Variants in CEP85L observed in about 807,000 individuals in gnomAD.
The protein encoded by CEP85L is centrosomal protein 85L.
In CEP85L, 60 loss-of-function variants were observed where a neutral mutation model predicts 100.3. That is an observed-to-expected ratio of 0.60 (90% CI 0.49 to 0.74). The LOEUF (loss-of-function observed/expected upper bound fraction) is 0.74, where lower values mean the gene tolerates loss of function less well. Ranked by LOEUF, CEP85L falls within the 30% of genes least tolerant of loss-of-function variation. The pLI, the probability that CEP85L is intolerant of heterozygous loss-of-function variation, is 0.00. For missense variants in CEP85L, 973 were observed against 936.2 expected, an observed-to-expected ratio of 1.04 and a Z score of -0.51; for synonymous variants, 319 against 322.7, an observed-to-expected ratio of 0.99 and a Z score of 0.12.
At chr6:118,520,400 T>G (rs1030098263) in intron 4 of CEP85L, among the ~76,000 whole-genome samples, 1 of 152,232 alleles carries the variant, frequency 6.6e-6, no homozygotes, top group Non-Finnish European at 1.5e-5. Context: ...AAGAACGTTT[T>G]GAAAATATGC....
chr6:118,474,019 TG>T (rs1209080668), intron 10 of CEP85L, among the ~76,000 whole-genome samples: 1 of 152,174 alleles, frequency 6.6e-6, no homozygotes, highest in East Asian at 1.9e-4. Flanking sequence ...GTTATCATCT[TG>T]TAACTTGATA....
intron 10 of CEP85L, among the ~76,000 whole-genome samples, chr6:118,476,215 G>A (rs1773360152): frequency 6.6e-6 from 1 of 150,854 alleles, no homozygotes; most frequent in Non-Finnish European, 1.5e-5. Context: ...ACTATAACAT[G>A]CATACAACAG....
At chr6:118,590,729 A>C (rs1364412167) in intron 2 of CEP85L, among the ~76,000 whole-genome samples, 1 of 152,046 alleles carries the variant, frequency 6.6e-6, no homozygotes, top group African/African-American at 2.4e-5. Context: ...TTGTGTATCC[A>C]TGCACCTACC....
intron 2 of CEP85L, among the ~76,000 whole-genome samples, chr6:118,598,992 G>A (rs879924157): frequency 6.6e-6 from 1 of 152,180 alleles, no homozygotes; most frequent in African/African-American, 2.4e-5. Context: ...AGGAACTCAT[G>A]TTTGGCTCAA....
Position 118,620,594 on chromosome 6 carries a change from C to T in CEP85L, c.232+11859G>A, listed in dbSNP as rs562220809. Among the ~76,000 whole-genome samples, 3 of 152,278 alleles carry T rather than the reference C, an allele frequency of 2.0e-5. No individual in the cohort carries two copies. The East Asian group carries it at 5.8e-4, about 29-fold the overall frequency. On this transcript the variant is annotated intron_variant, in intron 2 of 12. Coordinates refer to ENST00000368491, the MANE Select transcript of CEP85L (RefSeq NM_001042475.3). ...GATGAAGGCTCTCTGGGCCAGAAGC[C>T]CCCAGCCAGATGATTCAGCAAGAGG...
rs71012391 is a variant in CEP85L, at chr6:118,542,900, C to CAAAAAAAA, written c.1021-18988_1021-18981dup. ...GAACTTCAACATCACCAAGTTTTCCCAAAAAAAAAAAAAAAAAAAAAAACA... is the reference window on the plus strand; with the variant it reads ...GAACTTCAACATCACCAAGTTTTCCCAAAAAAAAAAAAAAAAAAAAAAAAAAAAAAACA... On this transcript the variant is annotated intron_variant, in intron 3 of 12. Coordinates refer to ENST00000368491, the MANE Select transcript of CEP85L (RefSeq NM_001042475.3). Among the ~76,000 whole-genome samples, 28 of 67,148 alleles carry CAAAAAAAA rather than the reference C, an allele frequency of 4.2e-4. 1 individual carries two copies. Among genetic ancestry groups the CAAAAAAAA allele is most frequent in the African/African-American group, 1.1e-3 (20 of 18,226 alleles). The allele number at this position is 67,148 out of a possible 152,430, so 44.1% of individuals were successfully genotyped here.
At chr6:118,571,601 C>T (rs558960531) in intron 2 of CEP85L, among the ~76,000 whole-genome samples, 23 of 152,162 alleles carry the variant, frequency 1.5e-4, no homozygotes, top group African/African-American at 5.5e-4. Flanking sequence ...CTCTCTCTCT[C>T]TCTGTCTGCT....
chr6:118,493,624 T>C (rs1258009626), intron 5 of CEP85L, among the ~76,000 whole-genome samples: 1 of 152,136 alleles, frequency 6.6e-6, no homozygotes, highest in Admixed American at 6.5e-5. Context: ...TGAAAGGATT[T>C]AGAGAAAATG....
chr6:118,688,750 A>G (rs6911599), intron 1 of CEP85L, among the ~76,000 whole-genome samples: 65,811 of 151,944 alleles, frequency 0.43, 16,744 homozygotes, highest in East Asian at 0.65. Context: ...GCCCACTCCT[A>G]TTTCAGCTGC....
At chr6:118,507,152 AACTC>A (rs1212204284) in intron 5 of CEP85L, among the ~76,000 whole-genome samples, 2 of 152,190 alleles carry the variant, frequency 1.3e-5, no homozygotes. Flanking sequence ...GTGTAAGTTT[AACTC>A]ACTATTTTTC....
Position 118,566,639 on chromosome 6 carries a change from G to A in CEP85L, c.233-323C>T, listed in dbSNP as rs796187247. Among the ~76,000 whole-genome samples, 4 of 152,026 alleles carry A rather than the reference G, an allele frequency of 2.6e-5. No homozygotes were observed. The East Asian group carries it at 5.8e-4, about 22-fold the overall frequency. ...TTGCCATGTTGGGCAGGCTGGTCTCGAACTCCTGACTTAAGGTGATCTGCC... is the reference window on the plus strand; with the variant it reads ...TTGCCATGTTGGGCAGGCTGGTCTCAAACTCCTGACTTAAGGTGATCTGCC... On this transcript the variant is annotated intron_variant, in intron 2 of 12. Coordinates refer to ENST00000368491, the MANE Select transcript of CEP85L (RefSeq NM_001042475.3).
intron 1 of CEP85L, among the ~76,000 whole-genome samples, chr6:118,657,940 C>T (rs1775852885): frequency 6.6e-6 from 1 of 152,154 alleles, no homozygotes; most frequent in African/African-American, 2.4e-5. Context: ...GAAGAGAATT[C>T]AATTCAATAT....
At chr6:118,529,069 C>A (rs1193173258) in intron 3 of CEP85L, among the ~76,000 whole-genome samples, 1 of 152,120 alleles carries the variant, frequency 6.6e-6, no homozygotes, top group African/African-American at 2.4e-5. Flanking sequence ...TACCCCGGAA[C>A]CATTTATCTT....
At chr6:118,477,797 G>A (rs1057293498) in intron 10 of CEP85L, among the ~76,000 whole-genome samples, 14 of 152,028 alleles carry the variant, frequency 9.2e-5, no homozygotes, top group Admixed American at 2.6e-4. Flanking sequence ...CAACTATAGC[G>A]TCAGTGAGAT....
intron 1 of CEP85L, among the ~76,000 whole-genome samples, chr6:118,637,497 A>G (rs542485814): frequency 6.6e-6 from 1 of 151,794 alleles, no homozygotes; most frequent in Non-Finnish European, 1.5e-5. Flanking sequence ...CAAGAGTTTA[A>G]GACCAGCCTG....
chr6:118,662,358 C>T (rs1027318778), intron 1 of CEP85L, among the ~76,000 whole-genome samples: 3 of 151,866 alleles, frequency 2.0e-5, no homozygotes, highest in Admixed American at 6.6e-5. Context: ...GGTGAAACTC[C>T]GTCTCTACTG....
intron 5 of CEP85L, chr6:118,502,278 T>C (rs116830129): frequency 2.5e-5 from 14 of 552,710 alleles, no homozygotes; most frequent in Non-Finnish European, 3.7e-5. Context: ...ATAATTCAGA[T>C]TTAATCTATG....
At chr6:118,470,364 AAAAT>A (rs577275506) in intron 11 of CEP85L, among the ~76,000 whole-genome samples, 169 bp downstream of exon 11, 310 of 152,252 alleles carry the variant, frequency 2.0e-3, no homozygotes, top group African/African-American at 7.2e-3. Flanking sequence ...TCTAAAACAC[AAAAT>A]AAATAAAGGT....
intron 5 of CEP85L, 141 bp from the exon 6 acceptor site, chr6:118,492,006 T>C (rs1582903211): frequency 9.2e-6 from 5 of 544,966 alleles, no homozygotes; most frequent in African/African-American, 2.0e-5. Context: ...CCAGCTATCT[T>C]GCTTCCTAGT....
Sources: allele counts gnomAD v4.1 joint callset (sites outside exome capture counted in the v4.1 genomes callset), GRCh38; gene constraint gnomAD v4.1.1; transcripts MANE v1.5; gene names NCBI Gene and HGNC (gene_info 2026-07-23, HGNC 2026-07-21).